Variants in XPO5 observed in about 807,000 individuals in gnomAD.
XPO5 encodes the protein exportin-5.
Under a neutral mutation model 160.6 loss-of-function variants are expected in XPO5, and 46 were observed. The ratio of observed to expected loss-of-function variants is 0.29; its 90% CI spans 0.23 to 0.37. XPO5 has a LOEUF of 0.37. Among genes scored for constraint, XPO5 ranks in the 10% least tolerant of loss-of-function variants. XPO5 has a pLI of 1.00. For missense variants in XPO5, 1,090 were observed against 1,463.9 expected (o/e 0.74, Z 4.17); for synonymous variants, 537 against 519.3 (o/e 1.03, Z -0.46).
chr6:43,526,664 A>G (rs781542928), intron 27 of XPO5, 21 bp downstream of exon 27: 18 of 1,613,510 alleles, frequency 1.1e-5, no homozygotes, highest in Non-Finnish European at 1.5e-5. Flanking sequence ...CAGAACTCCA[A>G]GGTCTCACAG....
At chr6:43,561,417 T>C (rs113007816) in intron 9 of XPO5, 4,981 of 161,970 alleles carry the variant, frequency 0.031, 261 homozygotes, top group African/African-American at 0.11. Context: ...CTCACTCTGT[T>C]GCTCAGGCTG....
intron 2 of XPO5, 121 bp from the exon 3 acceptor site, chr6:43,572,699 A>AT (rs1335387816): frequency 6.4e-6 from 7 of 1,088,722 alleles, no homozygotes; most frequent in Non-Finnish European, 9.4e-6. Flanking sequence ...TATACTTTTG[A>AT]TTTTGTACCT....
intron 7 of XPO5, chr6:43,566,629 C>T: frequency 2.4e-6 from 1 of 425,278 alleles, no homozygotes; most frequent in Non-Finnish European, 4.8e-6. Flanking sequence ...GCTAACATGG[C>T]AAAACCTCAT....
chr6:43,538,233 T>TC (rs1253068955), intron 20 of XPO5, among the ~76,000 whole-genome samples: 1 of 122,030 alleles, frequency 8.2e-6, no homozygotes, highest in African/African-American at 3.1e-5. Context: ...CAATGCAACC[T>TC]CCGCCTGCTG....
chr6:43,574,606 AAAGG>A (rs1194608714), intron 1 of XPO5, among the ~76,000 whole-genome samples: 1 of 152,084 alleles, frequency 6.6e-6, no homozygotes, highest in Admixed American at 6.5e-5. Context: ...AAATGGACAC[AAAGG>A]AATAAGAAAT....
At chr6:43,532,096 C>T (rs776349026) in intron 21 of XPO5, among the ~76,000 whole-genome samples, 6 of 152,216 alleles carry the variant, frequency 3.9e-5, no homozygotes, top group Non-Finnish European at 7.3e-5. Context: ...TGGTTGGCCA[C>T]TTATTTCTAT....
chr6:43,549,400 T>C (rs1795121415), intron 17 of XPO5, 89 bp downstream of exon 17: 5 of 1,319,468 alleles, frequency 3.8e-6, no homozygotes, highest in African/African-American at 3.0e-5. Context: ...TAGTTTCTAG[T>C]TTTTTCTTTA....
At chr6:43,566,311 T>C (rs911679497) in intron 7 of XPO5, among the ~76,000 whole-genome samples, 26 of 152,108 alleles carry the variant, frequency 1.7e-4, no homozygotes. Flanking sequence ...GGAGAATTGC[T>C]TGAACCCGGG....
chr6:43,562,084 T>C (rs1325744872), intron 9 of XPO5, 163 bp downstream of exon 9: 4 of 527,470 alleles, frequency 7.6e-6, no homozygotes, highest in Non-Finnish European at 1.3e-5. Context: ...TCAAACACTA[T>C]TCTATTAAGA....
Position 43,551,220 on chromosome 6 carries a change from G to A in XPO5, c.1728+78C>T, listed in dbSNP as rs774936039. On this transcript the variant is annotated intron_variant, in intron 15 of 31. Transcript: ENST00000265351. ...AGCCTGGGCAATGTAGCAAGATCCTGTCTCCAAAAAAATAAAATAAATAAA... is the reference window on the plus strand; with the variant it reads ...AGCCTGGGCAATGTAGCAAGATCCTATCTCCAAAAAAATAAAATAAATAAA... 16 of 1,393,700 alleles carry A rather than the reference G, an allele frequency of 1.1e-5. No homozygotes were observed. The South Asian group carries it at 1.3e-4, about 12-fold the overall frequency. 86.3% of individuals were successfully genotyped at this position (1,393,700 alleles called of 1,614,324 possible).
At chr6:43,530,603 C>T in intron 23 of XPO5, 85 bp downstream of exon 23, 1 of 1,487,692 alleles carries the variant, frequency 6.7e-7, no homozygotes, top group South Asian at 1.3e-5. Context: ...AGTTCTGCCT[C>T]TTCCCTCTGG....
intron 20 of XPO5, among the ~76,000 whole-genome samples, chr6:43,535,060 AGGTG>A (rs1172846520): frequency 6.6e-6 from 1 of 151,880 alleles, no homozygotes. Flanking sequence ...TGGGAGGCTG[AGGTG>A]GGTGGATCAC....
chr6:43,533,212 CTA>C (rs1794099023), intron 21 of XPO5: 1 of 84,332 alleles, frequency 1.2e-5, no homozygotes, highest in Non-Finnish European at 2.4e-5. Flanking sequence ...TGATACCTAT[CTA>C]CACACACACA....
At chr6:43,564,160 G>A (rs1582241480) in intron 8 of XPO5, among the ~76,000 whole-genome samples, 2 of 152,090 alleles carry the variant, frequency 1.3e-5, no homozygotes, top group Admixed American at 1.3e-4. Context: ...GACCTCAGGT[G>A]GTCCATCTGC....
intron 20 of XPO5, chr6:43,539,257 G>A (rs1213219914): frequency 1.3e-5 from 19 of 1,421,362 alleles, no homozygotes; most frequent in Admixed American, 5.2e-5. Context: ...CACGGGTGGC[G>A]GTGGCCACCT....
At chr6:43,571,984 G>A (rs1308191262) in intron 3 of XPO5, among the ~76,000 whole-genome samples, 1 of 152,150 alleles carries the variant, frequency 6.6e-6, no homozygotes, top group Non-Finnish European at 1.5e-5. Flanking sequence ...AATCCCCTCT[G>A]CCCTGTCTTT....
intron 18 of XPO5, 30 bp downstream of exon 18, chr6:43,548,231 G>T (rs376655925): frequency 1.9e-5 from 30 of 1,551,476 alleles, no homozygotes; most frequent in Non-Finnish European, 2.4e-5. Context: ...CTTGAGTATA[G>T]TAAGAGTCAG....
intron 28 of XPO5, 187 bp from the exon 29 acceptor site, chr6:43,525,401 T>C (rs1164323794): frequency 1.7e-6 from 1 of 601,816 alleles, no homozygotes; most frequent in East Asian, 2.8e-5. Context: ...GCCTCCCGAA[T>C]AGCTGGGACT....
At position 43,522,767 on chromosome 6, in the gene XPO5, C is replaced by A. The variant is rs753346310; in HGVS notation, c.*1101G>T. 6.1e-5 allele frequency: 29 copies of A among 473,254 alleles called. No homozygotes were observed. Among genetic ancestry groups the A allele is most frequent in the Non-Finnish European group, 1.1e-4 (24 of 221,676 alleles). 29.3% of individuals were successfully genotyped at this position (473,254 alleles called of 1,614,324 possible). A position where few individuals can be genotyped will look rare whatever the true frequency, so the allele number is the denominator to read the frequency against. On this transcript the variant is annotated 3_prime_UTR_variant, in exon 32 of 32. Coordinates refer to ENST00000265351, the MANE Select transcript of XPO5 (RefSeq NM_020750.3). ...TCTGTTTTTGTGCAGAGCACATGGA[C>A]ACACTGGTTTCTGTATGGATTAACT...
Sources: gnomAD v4.1 joint callset for allele counts (sites outside exome capture counted in the v4.1 genomes callset) on GRCh38, gnomAD v4.1.1 for gene constraint, MANE v1.5 for transcripts, NCBI Gene and HGNC (gene_info 2026-07-23, HGNC 2026-07-21) for gene names.